The following MALRD1 variants were observed in gnomAD, a reference collection of about 807,000 sequenced individuals.
The protein encoded by MALRD1 is MAM and LDL receptor class A domain containing 1.
In MALRD1, 247 loss-of-function variants were observed where a neutral mutation model predicts 242.1. That is an observed-to-expected ratio of 1.02 (90% CI 0.92 to 1.13). The LOEUF is 1.13. Among genes scored for constraint, MALRD1 ranks in the 50% most tolerant of loss-of-function variants. The probability of loss-of-function intolerance (pLI) is 0.00; values close to 1 mark genes in which losing one functional copy is unlikely to be tolerated. For synonymous variants in MALRD1, 995 were observed against 866.6 expected (o/e 1.15, Z -2.60); for missense variants, 2,989 against 2,533.1 (o/e 1.18, Z -3.86).
At chr10:19,483,484 G>A (rs2358407) in intron 29 of MALRD1, among the ~76,000 whole-genome samples, 59,398 of 151,874 alleles carry the variant, frequency 0.39, 11,866 homozygotes, top group African/African-American at 0.48. Flanking sequence ...GTGGGCAAAG[G>A]ACGTGAACAG....
intron 28 of MALRD1, among the ~76,000 whole-genome samples, chr10:19,405,097 T>C (rs1246847553): frequency 6.6e-6 from 1 of 152,172 alleles, no homozygotes; most frequent in African/African-American, 2.4e-5. Context: ...AATGAGGCAT[T>C]GAAATGAAGT....
intron 32 of MALRD1, among the ~76,000 whole-genome samples, chr10:19,535,686 C>A (rs1460364137): frequency 1.5e-4 from 23 of 151,680 alleles, no homozygotes; most frequent in Admixed American, 1.5e-3. Context: ...TAATATTTTG[C>A]AGTCTTACGT....
At chr10:19,157,551 T>C (rs1378997054) in intron 12 of MALRD1, among the ~76,000 whole-genome samples, 2 of 152,126 alleles carry the variant, frequency 1.3e-5, no homozygotes, top group Admixed American at 6.5e-5. Flanking sequence ...CCAGTCGATA[T>C]TTTCTTACAT....
chr10:19,530,605 G>C (rs1834371058), intron 31 of MALRD1, among the ~76,000 whole-genome samples: 1 of 150,054 alleles, frequency 6.7e-6, no homozygotes, highest in Non-Finnish European at 1.5e-5. Flanking sequence ...GGGAATGATA[G>C]CTATGATGAA....
intron 21 of MALRD1, among the ~76,000 whole-genome samples, chr10:19,284,030 T>C (rs1426951044): frequency 3.3e-5 from 5 of 152,152 alleles, no homozygotes; most frequent in East Asian, 1.9e-4. Flanking sequence ...TGATGGAGCA[T>C]TTCTTTCTGA....
chr10:19,449,257 A>G (rs1332290003), intron 28 of MALRD1, among the ~76,000 whole-genome samples: 1 of 152,162 alleles, frequency 6.6e-6, no homozygotes, highest in Non-Finnish European at 1.5e-5. Flanking sequence ...GCTCACTGCA[A>G]CGCCTGCCTC....
intron 38 of MALRD1, among the ~76,000 whole-genome samples, chr10:19,727,019 G>C (rs1267766325): frequency 6.6e-6 from 1 of 152,098 alleles, no homozygotes; most frequent in Admixed American, 6.6e-5. Flanking sequence ...TAGTGGTAAT[G>C]GTAGCACAAC....
intron 29 of MALRD1, among the ~76,000 whole-genome samples, chr10:19,480,851 G>T (rs1404924771): frequency 1.3e-5 from 2 of 152,054 alleles, no homozygotes; most frequent in Non-Finnish European, 2.9e-5. Flanking sequence ...GGTTGGGGGG[G>T]ATTGGGTCTG....
At chr10:19,425,656 T>G (rs12262302) in intron 28 of MALRD1, among the ~76,000 whole-genome samples, 13,195 of 152,164 alleles carry the variant, frequency 0.087, 761 homozygotes, top group African/African-American at 0.16. Context: ...TTAAGGGAGT[T>G]CAGTGCATTC....
At chr10:19,280,856 A>T (rs1440265397) in intron 20 of MALRD1, among the ~76,000 whole-genome samples, 1 of 152,238 alleles carries the variant, frequency 6.6e-6, no homozygotes, top group East Asian at 1.9e-4. Flanking sequence ...TAATGAGCAA[A>T]GCATAAGATC....
intron 29 of MALRD1, among the ~76,000 whole-genome samples, chr10:19,488,413 G>A (rs1355349507): frequency 6.6e-6 from 1 of 152,172 alleles, no homozygotes; most frequent in African/African-American, 2.4e-5. Flanking sequence ...GATACTCATT[G>A]TAGTATAGGA....
intron 21 of MALRD1, among the ~76,000 whole-genome samples, chr10:19,289,816 G>C (rs1377727003): frequency 6.6e-6 from 1 of 152,116 alleles, no homozygotes; most frequent in Non-Finnish European, 1.5e-5. Flanking sequence ...TTTTAAGGAT[G>C]TTGTTTTGGA....
chr10:19,473,021 A>G (rs987721058), intron 29 of MALRD1, among the ~76,000 whole-genome samples: 3 of 150,868 alleles, frequency 2.0e-5, no homozygotes, highest in African/African-American at 7.3e-5. Flanking sequence ...CATTCCAATG[A>G]CAATATTCCA....
At chr10:19,167,112 C>T (rs1011276378) in intron 13 of MALRD1, among the ~76,000 whole-genome samples, 1 of 152,134 alleles carries the variant, frequency 6.6e-6, no homozygotes, top group Admixed American at 6.6e-5. Context: ...GTAATCCCAG[C>T]GCTTTGGGAG....
At position 19,282,528 on chromosome 10, in the gene MALRD1, G is replaced by A. The variant is rs551058700; in HGVS notation, c.3257-491G>A. Among the ~76,000 whole-genome samples, 277 of 152,196 alleles carry A rather than the reference G, an allele frequency of 1.8e-3. 2 individuals carry two copies. Among genetic ancestry groups the A allele is most frequent in the Non-Finnish European group, 2.0e-3 (137 of 68,028 alleles). ...TACATTTTAAAAAATCGCTGGACCT[G>A]TAATTTCCTGTGATATTAGAATAAA... On this transcript the variant is annotated intron_variant, in intron 20 of 39. Transcript: ENST00000454679.
At chr10:19,451,468 A>G (rs903911834) in intron 29 of MALRD1, among the ~76,000 whole-genome samples, 7 of 152,198 alleles carry the variant, frequency 4.6e-5, no homozygotes, top group African/African-American at 1.4e-4. Flanking sequence ...CATTTGTACA[A>G]TTTCACAGTT....
At position 19,536,025 on chromosome 10, in the gene MALRD1, G is replaced by A. The variant is rs74835239; in HGVS notation, c.5478+4674G>A. Among the ~76,000 whole-genome samples, 404 of 152,276 alleles carry A rather than the reference G, an allele frequency of 2.7e-3. 7 individuals carry two copies. In the East Asian group the frequency reaches 0.057, roughly 22 times the overall value. On this transcript the variant is annotated intron_variant, in intron 32 of 39. Coordinates refer to ENST00000454679, the MANE Select transcript of MALRD1 (RefSeq NM_001142308.3). ...AAGAGATTCCAAATTGTAGACTGTG[G>A]GAGTATGTCTCCTTGTCAGCGTAAA...
intron 33 of MALRD1, among the ~76,000 whole-genome samples, chr10:19,585,492 T>C (rs904732767): frequency 1.3e-5 from 2 of 152,136 alleles, no homozygotes; most frequent in Non-Finnish European, 2.9e-5. Flanking sequence ...TGAAGCTTAG[T>C]TTGGCTGGAT....
intron 36 of MALRD1, among the ~76,000 whole-genome samples, chr10:19,678,562 CT>C (rs1255215878): frequency 1.3e-5 from 2 of 152,066 alleles, no homozygotes; most frequent in Non-Finnish European, 2.9e-5. Context: ...GCTTAAGAAG[CT>C]TTTGGGCTGA....
Sources: gnomAD v4.1 joint callset for allele counts (sites outside exome capture counted in the v4.1 genomes callset) on GRCh38, gnomAD v4.1.1 for gene constraint, MANE v1.5 for transcripts, NCBI Gene and HGNC (gene_info 2026-07-23, HGNC 2026-07-21) for gene names.